Variants in NRG1 observed in about 807,000 individuals in gnomAD.
The protein encoded by NRG1 is pro-neuregulin-1, membrane-bound isoform.
Under a neutral mutation model 63.8 loss-of-function variants are expected in NRG1, and 18 were observed. The ratio of observed to expected loss-of-function variants is 0.28; its 90% CI spans 0.19 to 0.42. The LOEUF (loss-of-function observed/expected upper bound fraction) is 0.42, where lower values mean the gene tolerates loss of function less well. NRG1 is among the 10% of genes least tolerant of loss of function. The probability of loss-of-function intolerance (pLI) is 1.00; values close to 1 mark genes in which losing one functional copy is unlikely to be tolerated. For synonymous variants in NRG1, 302 were observed against 301.3 expected, an observed-to-expected ratio of 1.00 and a Z score of -0.02; for missense variants, 762 against 814.7, an observed-to-expected ratio of 0.94 and a Z score of 0.79.
At chr8:32,589,710 T>C (rs1055482525) in intron 1 of NRG1, among the ~76,000 whole-genome samples, 3 of 152,184 alleles carry the variant, frequency 2.0e-5, no homozygotes, top group Non-Finnish European at 4.4e-5. Context: ...CATGCTAAAA[T>C]TTGTTTCCTG....
chr8:32,671,261 T>G (rs1443684242), intron 5 of NRG1, among the ~76,000 whole-genome samples: 1 of 152,154 alleles, frequency 6.6e-6, no homozygotes, highest in African/African-American at 2.4e-5. Flanking sequence ...ACCTCTTCCT[T>G]TGTTCCTCCT....
chr8:32,097,369 A>T (rs2131325655), intron 1 of NRG1, among the ~76,000 whole-genome samples: 1 of 152,258 alleles, frequency 6.6e-6, no homozygotes, highest in South Asian at 2.1e-4. Context: ...CCAAATTGAG[A>T]TTGCTGGATC....
intron 1 of NRG1, among the ~76,000 whole-genome samples, chr8:31,713,174 T>C (rs13256770): frequency 0.035 from 5,012 of 142,690 alleles, 133 homozygotes; most frequent in Non-Finnish European, 0.051. Context: ...TGGAGTGCAG[T>C]GGTGGGATCT....
chr8:32,381,497 C>T (rs1311001415), intron 1 of NRG1, among the ~76,000 whole-genome samples: 2 of 151,984 alleles, frequency 1.3e-5, no homozygotes, highest in Non-Finnish European at 2.9e-5. Flanking sequence ...GCACAGTCCT[C>T]AATAAATACT....
intron 1 of NRG1, among the ~76,000 whole-genome samples, chr8:31,867,263 C>G (rs1423755908): frequency 6.6e-6 from 1 of 152,084 alleles, no homozygotes; most frequent in African/African-American, 2.4e-5. Flanking sequence ...CGAGCTCTTT[C>G]CTATTAACCT....
intron 1 of NRG1, among the ~76,000 whole-genome samples, chr8:31,878,978 C>T (rs969610584): frequency 3.3e-5 from 5 of 151,432 alleles, no homozygotes; most frequent in Non-Finnish European, 1.5e-5. Context: ...CCAGCCTGGG[C>T]GACAGAGCAA....
At chr8:32,628,075 T>C (rs937541632) in intron 5 of NRG1, among the ~76,000 whole-genome samples, 2 of 152,222 alleles carry the variant, frequency 1.3e-5, no homozygotes, top group African/African-American at 4.8e-5. Context: ...CAGATTTTTT[T>C]CAATAATTCT....
chr8:31,724,089 A>G (rs1563330570), intron 1 of NRG1, among the ~76,000 whole-genome samples: 1 of 152,136 alleles, frequency 6.6e-6, no homozygotes, highest in Non-Finnish European at 1.5e-5. Context: ...TATATATTAT[A>G]TAATTAGGTA....
At chr8:32,746,126 T>A (rs1181227332) in intron 7 of NRG1, among the ~76,000 whole-genome samples, 1 of 152,156 alleles carries the variant, frequency 6.6e-6, no homozygotes, top group African/African-American at 2.4e-5. Context: ...ACTGTGTGTG[T>A]GTTTGTGAGT....
rs187069863 is a variant in NRG1 at position 31,652,140 on chromosome 8, C to T, written c.37+12709C>T. ...TAGGCGCTGAGATAAATTCAGTTAA[C>T]CCCTCACCATATGGCAGCATTAATA... On this transcript the variant is annotated intron_variant, in intron 1 of 10. Coordinates refer to the NRG1 transcript ENST00000519301. 2.4e-4 allele frequency among the ~76,000 whole-genome samples: 36 copies of T among 152,274 alleles called. 1 individual carries two copies. The highest frequency in any genetic ancestry group is 2.0e-3 in the Admixed American group (30 of 15,294).
intron 1 of NRG1, among the ~76,000 whole-genome samples, chr8:32,134,200 A>G (rs1157319438): frequency 2.6e-5 from 4 of 152,166 alleles, no homozygotes; most frequent in Non-Finnish European, 4.4e-5. Flanking sequence ...TTTTAAATAT[A>G]TGAATGAAGC....
chr8:32,757,370 GT>G (rs780103757), intron 9 of NRG1, among the ~76,000 whole-genome samples: 1 of 151,922 alleles, frequency 6.6e-6, no homozygotes, highest in Admixed American at 6.6e-5. Flanking sequence ...CTGATGTATG[GT>G]TTTTTTAATA....
chr8:32,158,291 C>T (rs1302790224), intron 1 of NRG1, among the ~76,000 whole-genome samples: 2 of 151,454 alleles, frequency 1.3e-5, no homozygotes, highest in African/African-American at 4.9e-5. Context: ...CTTTTAAACT[C>T]TCTACTTATC....
chr8:31,689,828 C>T lies in NRG1; in HGVS notation c.37+50397C>T, dbSNP rs79823422. On this transcript the variant is annotated intron_variant, in intron 1 of 10. Coordinates refer to the NRG1 transcript ENST00000519301. The stretch of plus-strand genomic sequence containing the variant: ...ATAGAGGGTGATGAATGGAAATAAA[C>T]TAGAACAGGTCAAGAAGAATCACAA... 4.1e-3 allele frequency among the ~76,000 whole-genome samples: 631 copies of T among 152,234 alleles called. 2 individuals carry two copies. The highest frequency in any genetic ancestry group is 5.9e-3 in the Non-Finnish European group (403 of 68,012).
At chr8:31,940,922 C>T (rs1349653916) in intron 1 of NRG1, among the ~76,000 whole-genome samples, 1 of 151,768 alleles carries the variant, frequency 6.6e-6, no homozygotes, top group African/African-American at 2.4e-5. Flanking sequence ...TTGCCAACAA[C>T]AAAAAAAGTC....
intron 5 of NRG1, among the ~76,000 whole-genome samples, chr8:32,661,136 C>T (rs1802752510): frequency 6.6e-6 from 1 of 152,222 alleles, no homozygotes; most frequent in Admixed American, 6.5e-5. Flanking sequence ...AATAAAAATG[C>T]TGCCCTCTCT....
chr8:32,364,973 T>G (rs1807756628), intron 1 of NRG1, among the ~76,000 whole-genome samples: 1 of 148,572 alleles, frequency 6.7e-6, no homozygotes, highest in Admixed American at 6.7e-5. Context: ...TTTTTTTTTT[T>G]TTTGAGACAG....
intron 1 of NRG1, among the ~76,000 whole-genome samples, chr8:32,395,403 C>T (rs193126407): frequency 3.9e-5 from 6 of 152,176 alleles, no homozygotes; most frequent in Admixed American, 2.0e-4. Flanking sequence ...CAATGACTGG[C>T]GTATTCATTC....
At chr8:32,363,709 G>GT (rs938677943) in intron 1 of NRG1, among the ~76,000 whole-genome samples, 51 of 151,570 alleles carry the variant, frequency 3.4e-4, no homozygotes, top group South Asian at 3.1e-3. Flanking sequence ...AGTTATCTCT[G>GT]TTTTTTTTAA....
Sources: allele counts gnomAD v4.1 joint callset (sites outside exome capture counted in the v4.1 genomes callset), GRCh38; gene constraint gnomAD v4.1.1; transcripts MANE v1.5; gene names NCBI Gene and HGNC (gene_info 2026-07-23, HGNC 2026-07-21).